Variants in LRRK2 observed in about 807,000 individuals in gnomAD.
LRRK2 encodes the protein leucine-rich repeat serine/threonine-protein kinase 2.
Under a neutral mutation model 302.6 loss-of-function variants are expected in LRRK2, and 203 were observed. The ratio of observed to expected loss-of-function variants is 0.67; its 90% CI spans 0.60 to 0.75. The LOEUF (loss-of-function observed/expected upper bound fraction) is 0.75, where lower values mean the gene tolerates loss of function less well. Ranked by LOEUF, LRRK2 falls within the 30% of genes least tolerant of loss-of-function variation. LRRK2 has a pLI of 0.00. For synonymous variants in LRRK2, 1,066 were observed against 1,031.9 expected (o/e 1.03, Z -0.63); for missense variants, 2,830 against 2,951.0 (o/e 0.96, Z 0.95).
intron 39 of LRRK2, 72 bp from the exon 40 acceptor site, chr12:40,334,895 C>T: frequency 1.3e-6 from 2 of 1,496,404 alleles, no homozygotes; most frequent in Non-Finnish European, 1.9e-6. Context: ...CCTGTTGATG[C>T]ACTTTAAAGA....
chr12:40,359,578 A>G (rs1414214872), intron 47 of LRRK2, 134 bp downstream of exon 47: 2 of 861,836 alleles, frequency 2.3e-6, no homozygotes, highest in Non-Finnish European at 3.4e-6. Flanking sequence ...TCATAAAATT[A>G]AACTTTCATT....
At chr12:40,228,147 A>G (rs992230554) in intron 2 of LRRK2, among the ~76,000 whole-genome samples, 4 of 152,128 alleles carry the variant, frequency 2.6e-5, no homozygotes, top group African/African-American at 9.7e-5. Context: ...TTAGTTTTTT[A>G]AGATACCTCC....
intron 14 of LRRK2, among the ~76,000 whole-genome samples, chr12:40,273,463 G>A (rs1943320377): frequency 1.3e-5 from 2 of 152,156 alleles, no homozygotes; most frequent in South Asian, 4.1e-4. Flanking sequence ...CTATAAAAAA[G>A]ATACTGAATA....
chr12:40,243,465 A>G, intron 6 of LRRK2, 85 bp from the exon 7 acceptor site: 1 of 1,450,182 alleles, frequency 6.9e-7, no homozygotes, highest in Non-Finnish European at 9.6e-7. Context: ...CCATCTATTT[A>G]CAGTCTATAT....
At chr12:40,259,331 T>C in intron 12 of LRRK2, 149 bp from the exon 13 acceptor site, 13 of 879,574 alleles carry the variant, frequency 1.5e-5, no homozygotes, top group Non-Finnish European at 2.2e-5. Flanking sequence ...AAATTATGTA[T>C]GCTCATACTA....
chr12:40,308,410 AATCTCAAGT>A, intron 28 of LRRK2, 48 bp from the exon 29 acceptor site: 1 of 1,368,518 alleles, frequency 7.3e-7, no homozygotes. Flanking sequence ...AACTCACCTA[AATCTCAAGT>A]ATACTTTTAA....
chr12:40,292,695 A>T (rs892383188), intron 20 of LRRK2, among the ~76,000 whole-genome samples: 8 of 151,906 alleles, frequency 5.3e-5, no homozygotes, highest in Non-Finnish European at 1.5e-5. Flanking sequence ...GGATATACAG[A>T]TTTTATAATT....
At position 40,325,202 on chromosome 12, in the gene LRRK2, G is replaced by T. The variant is rs952624164; in HGVS notation, c.5656+1896G>T. Among the ~76,000 whole-genome samples the T allele has an allele frequency of 9.2e-5, 14 of 152,178 alleles. 1 individual carries two copies. The highest frequency in any genetic ancestry group is 6.5e-4 in the Admixed American group (10 of 15,278). ...ACTCGGGAGGCTGAGGCAGAGAATT[G>T]CTTGAACCTGGGAGGCGGAGGTTGC... On this transcript the variant is annotated intron_variant, in intron 38 of 50. Transcript: ENST00000298910.
intron 34 of LRRK2, 98 bp downstream of exon 34, chr12:40,320,273 A>T: frequency 1.0e-6 from 1 of 974,530 alleles, no homozygotes; most frequent in Non-Finnish European, 1.5e-6. Flanking sequence ...TGTATTAAAT[A>T]AATAAATATA....
In LRRK2 at chr12:40,293,671, A is replaced by G. The variant is rs556173336; in HGVS notation, c.2808+8A>G. Reference sequence around the variant, plus strand: ...AGACATTCCAATTCCTTGGTAAGTTAAATTGTGCAATTGTGATTATGTTGT... The same window carrying G: ...AGACATTCCAATTCCTTGGTAAGTTGAATTGTGCAATTGTGATTATGTTGT... On this transcript the variant is annotated splice_region_variant and intron_variant, in intron 21 of 50. Coordinates refer to ENST00000298910, the MANE Select transcript of LRRK2 (RefSeq NM_198578.4). 1.9e-6 allele frequency: 3 copies of G among 1,548,958 alleles called. No individual in the cohort carries two copies. Among genetic ancestry groups the G allele is most frequent in the South Asian group, 1.1e-5 (1 of 89,704 alleles).
At position 40,252,973 on chromosome 12, in the gene LRRK2, C is replaced by G; in HGVS notation, c.1245C>G (p.Phe415Leu). 1 of 1,613,346 alleles carries G rather than the reference C, an allele frequency of 6.2e-7. No homozygotes were observed. The highest frequency in any genetic ancestry group is 1.1e-5 in the South Asian group (1 of 91,074). Reference sequence around the variant, plus strand: ...TGCATTCTTCATCAAAGGAAGTTTTCCAGGCATCTGCGAATGCATTGTCAA... The same window carrying G: ...TGCATTCTTCATCAAAGGAAGTTTTGCAGGCATCTGCGAATGCATTGTCAA... ...MLMHSSSKEV[F>L]QASANALSTL... Residue 415 changes from phenylalanine to leucine, a missense_variant, in exon 11 of 51, where the codon TTC (phenylalanine) becomes TTG (leucine). By Grantham distance (22) the Phe-to-Leu change is conservative. This residue lies in a region of LRRK2 where 2,121 missense variants were observed against 2,148.0 expected (regional missense o/e 0.99). Coordinates refer to ENST00000298910, the MANE Select transcript of LRRK2 (RefSeq NM_198578.4).
Position 40,344,311 on chromosome 12 carries a change from A to G in LRRK2, c.6110-2442A>G, listed in dbSNP as rs781626802. On this transcript the variant is annotated intron_variant, in intron 41 of 50. Coordinates refer to ENST00000298910, the MANE Select transcript of LRRK2 (RefSeq NM_198578.4). Reference sequence around the variant, plus strand: ...TGCTGAACATTTAAATAGTTTTTGAATAGTACCTAGATATAATAGATACCT... The same window carrying G: ...TGCTGAACATTTAAATAGTTTTTGAGTAGTACCTAGATATAATAGATACCT... Among the ~76,000 whole-genome samples, 15 of 152,316 alleles carry G rather than the reference A, an allele frequency of 9.8e-5. No homozygotes were observed. The Middle Eastern group carries it at 0.01, about 104-fold the overall frequency.
At chr12:40,328,530 A>G in intron 39 of LRRK2, 70 bp downstream of exon 39, 1 of 1,218,996 alleles carries the variant, frequency 8.2e-7, no homozygotes, top group Non-Finnish European at 1.2e-6. Context: ...TATTTTGCAT[A>G]CAGTTGTGAA....
At chr12:40,334,777 C>T (rs1039326383) in intron 39 of LRRK2, among the ~76,000 whole-genome samples, 190 bp from the exon 40 acceptor site, 3 of 151,996 alleles carry the variant, frequency 2.0e-5, no homozygotes, top group Non-Finnish European at 4.4e-5. Context: ...CATAGGTCAA[C>T]TGTAGTTTCA....
rs137930580 is a variant in LRRK2, at chr12:40,359,223, A to C, written c.6844-37A>C. ...ATGGAGTTTTGTTCTGTGGATACTC[A>C]ATTTGCTGAGTGTGTTTTCTTTTTT... On this transcript the variant is annotated intron_variant, in intron 46 of 50. Coordinates refer to ENST00000298910, the MANE Select transcript of LRRK2 (RefSeq NM_198578.4). 3.5e-5 allele frequency: 55 copies of C among 1,562,616 alleles called. 1 individual carries two copies. In the African/African-American group the frequency reaches 7.0e-4, roughly 20 times the overall value.
intron 44 of LRRK2, among the ~76,000 whole-genome samples, chr12:40,353,152 G>A (rs547336134): frequency 2.0e-5 from 3 of 151,710 alleles, no homozygotes; most frequent in Non-Finnish European, 2.9e-5. Context: ...CAGACGGGGC[G>A]GCTGCTGGGC....
At chr12:40,251,744 GTTA>G (rs1420558843) in intron 10 of LRRK2, among the ~76,000 whole-genome samples, 200 bp downstream of exon 10, 1 of 152,200 alleles carries the variant, frequency 6.6e-6, no homozygotes, top group Admixed American at 6.5e-5. Context: ...TAGAATGAGA[GTTA>G]TTATTGAGAG....
At position 40,315,197 on chromosome 12, in the gene LRRK2, G is replaced by A; in HGVS notation, c.4739-15G>A. ...TAGATTCCATGTTTCACTGTTTGAT[G>A]ACTTTTTACTACAGGAGTCCTTCTT... On this transcript the variant is annotated splice_polypyrimidine_tract_variant and intron_variant, in intron 32 of 50. Transcript: ENST00000298910. 1 of 1,600,790 alleles carries A rather than the reference G, an allele frequency of 6.2e-7. No homozygotes were observed. The highest frequency in any genetic ancestry group is 8.6e-7 in the Non-Finnish European group (1 of 1,168,246).
chr12:40,245,475 G>C (rs983532581), intron 7 of LRRK2, among the ~76,000 whole-genome samples: 1 of 152,068 alleles, frequency 6.6e-6, no homozygotes, highest in Non-Finnish European at 1.5e-5. Context: ...TATCTGAAAA[G>C]CTAATAGGTC....
Sources: allele counts gnomAD v4.1 joint callset (sites outside exome capture counted in the v4.1 genomes callset), GRCh38; gene constraint gnomAD v4.1.1; regional missense constraint gnomAD v4.1.1; transcripts MANE v1.5; gene names NCBI Gene and HGNC (gene_info 2026-07-23, HGNC 2026-07-21).